The following CLSTN1 variants were observed in gnomAD, a reference collection of about 807,000 sequenced individuals.
The protein encoded by CLSTN1 is calsyntenin 1, also known as calsyntenin-1.
A neutral mutation model predicts 108.3 loss-of-function variants in CLSTN1; 28 were observed. The ratio of observed to expected loss-of-function variants is 0.26; its 90% CI spans 0.19 to 0.35. CLSTN1 has a LOEUF of 0.35. Among genes scored for constraint, CLSTN1 ranks in the 10% least tolerant of loss-of-function variants. The pLI is 1.00. For synonymous variants in CLSTN1, 524 were observed against 534.9 expected (o/e 0.98, Z 0.28); for missense variants, 1,157 against 1,302.6 (o/e 0.89, Z 1.72).
intron 1 of CLSTN1, among the ~76,000 whole-genome samples, chr1:9,778,223 A>AAC (rs57372437): frequency 0.27 from 36,736 of 134,260 alleles, 5,252 homozygotes; most frequent in Middle Eastern, 0.32. Context: ...TCTCCTCCCC[A>AAC]ACACACACAC....
intron 1 of CLSTN1, among the ~76,000 whole-genome samples, chr1:9,812,878 T>C (rs980006070): frequency 2.7e-5 from 4 of 150,120 alleles, no homozygotes; most frequent in Admixed American, 1.3e-4. Flanking sequence ...AACAAACCTA[T>C]TGCTGACCAG....
Position 9,773,329 on chromosome 1 carries a change from C to A in CLSTN1, c.157G>T (p.Val53Leu). ...GCGATCAGTGGGGGGTCGAGGAGCA[C>A]GGTGTTGTCGTTCTCTGTGACTATG... ...HGIVTENDNT[V>L]LLDPPLIALD... The change falls in exon 2 of 19, where the codon GTG becomes TTG. Residue 53 changes from valine (V) to leucine (L), a missense_variant. Coordinates refer to ENST00000377298, the MANE Select transcript of CLSTN1 (RefSeq NM_001009566.3). 2 of 1,614,126 alleles carry A rather than the reference C, an allele frequency of 1.2e-6. No homozygotes were observed. The highest frequency in any genetic ancestry group is 2.7e-5 in the African/African-American group (2 of 75,028).
intron 1 of CLSTN1, among the ~76,000 whole-genome samples, chr1:9,813,862 G>A (rs1486375065): frequency 6.6e-6 from 1 of 152,180 alleles, no homozygotes; most frequent in Non-Finnish European, 1.5e-5. Flanking sequence ...CACTTTGGGA[G>A]GCCAAGGCGG....
chr1:9,807,214 A>G (rs1430378707), intron 1 of CLSTN1, among the ~76,000 whole-genome samples: 2 of 152,130 alleles, frequency 1.3e-5, no homozygotes, highest in Non-Finnish European at 2.9e-5. Context: ...TACATGACCG[A>G]GACCTCATTG....
chr1:9,819,436 T>C (rs1229411245), intron 1 of CLSTN1, among the ~76,000 whole-genome samples: 1 of 152,226 alleles, frequency 6.6e-6, no homozygotes, highest in Non-Finnish European at 1.5e-5. Context: ...TTTTCTATTT[T>C]CAATGTAATA....
At chr1:9,799,572 C>T (rs1400536340) in intron 1 of CLSTN1, among the ~76,000 whole-genome samples, 1 of 150,120 alleles carries the variant, frequency 6.7e-6, no homozygotes, top group African/African-American at 2.5e-5. Context: ...ACCCGGGAGG[C>T]AGACTATGCA....
chr1:9,798,247 A>G (rs1654102360), intron 1 of CLSTN1, among the ~76,000 whole-genome samples: 1 of 152,180 alleles, frequency 6.6e-6, no homozygotes, highest in South Asian at 2.1e-4. Context: ...TATACATCCA[A>G]AAGAACTGAA....
chr1:9,747,845 C>A (rs1347581907), intron 7 of CLSTN1, among the ~76,000 whole-genome samples: 1 of 151,974 alleles, frequency 6.6e-6, no homozygotes, highest in Non-Finnish European at 1.5e-5. Context: ...AGATCGAGAC[C>A]ATCCTGGCTA....
intron 7 of CLSTN1, among the ~76,000 whole-genome samples, chr1:9,748,042 T>TAA (rs59608707): frequency 3.4e-4 from 46 of 134,898 alleles, no homozygotes; most frequent in African/African-American, 1.1e-3. Flanking sequence ...AGACTCTGTC[T>TAA]AAAAAAAAAA....
chr1:9,824,108 G>A (rs1655314786), upstream of CLSTN1: 1 of 146,154 alleles, frequency 6.8e-6, no homozygotes, highest in Non-Finnish European at 1.5e-5. The surrounding 1 kb of genome is among the most constrained non-coding windows in gnomAD (Gnocchi z 5.0). Context: ...GCGGGGGAGA[G>A]GAGCGGAGGG....
In CLSTN1 at chr1:9,731,754, G is replaced by T; in HGVS notation, c.2563+7C>A. The T allele has an allele frequency of 6.2e-7, 1 of 1,614,214 alleles. No individual in the cohort carries two copies. The highest frequency in any genetic ancestry group is 8.5e-7 in the Non-Finnish European group (1 of 1,180,022). ...ATCTCCGCTTGGTCTCCCTCCCCAT[G>T]TCCTACCTGCGAACGGGTGGGGGTT... On this transcript the variant is annotated splice_region_variant and intron_variant, in intron 17 of 18. Transcript: ENST00000377298.
chr1:9,771,358 G>A (rs1652664860), intron 2 of CLSTN1, among the ~76,000 whole-genome samples: 2 of 152,144 alleles, frequency 1.3e-5, no homozygotes. Flanking sequence ...GCTTAAGCCT[G>A]TAATCCCAGC....
chr1:9,770,661 G>T lies in CLSTN1; in HGVS notation c.214+2611C>A, dbSNP rs536579174. ...CAAATTTATATTTGTACAGTACTTA[G>T]AGTAGTGCCTGGGACATTGCTATGC... On this transcript the variant is annotated intron_variant, in intron 2 of 18. Transcript: ENST00000377298. Among the ~76,000 whole-genome samples the T allele has an allele frequency of 2.6e-5, 4 of 152,320 alleles. No homozygotes were observed. In the East Asian group the frequency reaches 5.8e-4, roughly 22 times the overall value.
chr1:9,798,547 TAG>T (rs1654116667), intron 1 of CLSTN1, among the ~76,000 whole-genome samples: 1 of 152,146 alleles, frequency 6.6e-6, no homozygotes, highest in African/African-American at 2.4e-5. Context: ...AGTAAATCCA[TAG>T]AGACAGAAAG....
At chr1:9,769,331 C>T (rs112176057) in intron 2 of CLSTN1, among the ~76,000 whole-genome samples, 5 of 152,134 alleles carry the variant, frequency 3.3e-5, no homozygotes, top group African/African-American at 1.2e-4. Flanking sequence ...ACACAAAGAC[C>T]TGTACAGGAA....
chr1:9,788,038 T>C (rs1346681966), intron 1 of CLSTN1, among the ~76,000 whole-genome samples: 1 of 151,240 alleles, frequency 6.6e-6, no homozygotes, highest in Non-Finnish European at 1.5e-5. Context: ...GTGGATCGCT[T>C]GAGTTCAGGA....
intron 7 of CLSTN1, among the ~76,000 whole-genome samples, chr1:9,745,758 AAT>A (rs1401406004): frequency 6.7e-6 from 1 of 149,544 alleles, no homozygotes; most frequent in Non-Finnish European, 1.5e-5. Flanking sequence ...AAACTATCTG[AAT>A]AGTTGTTTTT....
intron 1 of CLSTN1, among the ~76,000 whole-genome samples, chr1:9,789,840 G>A (rs1195969114): frequency 4.6e-5 from 7 of 151,314 alleles, no homozygotes; most frequent in Middle Eastern, 3.4e-3. Flanking sequence ...TTAGCCAGGC[G>A]TGGTGATGCA....
At chr1:9,771,541 G>C (rs570030690) in intron 2 of CLSTN1, among the ~76,000 whole-genome samples, 1 of 152,266 alleles carries the variant, frequency 6.6e-6, no homozygotes, top group South Asian at 2.1e-4. Flanking sequence ...TTGAACCCGG[G>C]AGGCAGAGGT....
Sources: allele counts gnomAD v4.1 joint callset (sites outside exome capture counted in the v4.1 genomes callset), GRCh38; gene constraint gnomAD v4.1.1; non-coding constraint Gnocchi (gnomAD v3.1); transcripts MANE v1.5; gene names NCBI Gene and HGNC (gene_info 2026-07-23, HGNC 2026-07-21).